ANKRD44: variants seen among roughly 807,000 people sequenced by gnomAD.
ANKRD44 encodes the protein serine/threonine-protein phosphatase 6 regulatory ankyrin repeat subunit B.
In ANKRD44, 35 loss-of-function variants were observed where a neutral mutation model predicts 116.0. The observed-to-expected ratio is 0.30, with a 90% CI of 0.23 to 0.40. ANKRD44 has a LOEUF of 0.40. Ranked by LOEUF, ANKRD44 falls within the 10% of genes least tolerant of loss-of-function variation. The pLI is 1.00. For synonymous variants in ANKRD44, 435 were observed against 461.8 expected (o/e 0.94, Z 0.74); for missense variants, 1,014 against 1,242.6 (o/e 0.82, Z 2.77).
intron 3 of ANKRD44, among the ~76,000 whole-genome samples, chr2:197,137,413 C>T (rs1453682487): frequency 2.6e-5 from 4 of 152,098 alleles, no homozygotes; most frequent in African/African-American, 4.8e-5. Context: ...ACAGAGGTGG[C>T]GCCTCAGGAC....
chr2:197,010,264 T>A (rs2076273795), intron 18 of ANKRD44, among the ~76,000 whole-genome samples: 1 of 152,050 alleles, frequency 6.6e-6, no homozygotes, highest in African/African-American at 2.4e-5. Context: ...GCACGCTCCA[T>A]CCGCTCACTG....
intron 21 of ANKRD44, among the ~76,000 whole-genome samples, chr2:197,003,728 C>T (rs2076154125): frequency 6.6e-6 from 1 of 152,074 alleles, no homozygotes; most frequent in Non-Finnish European, 1.5e-5. Context: ...GTTTGCGGCC[C>T]GCCATTATAA....
chr2:197,014,559 G>T (rs953989439), intron 17 of ANKRD44, among the ~76,000 whole-genome samples: 3 of 152,024 alleles, frequency 2.0e-5, no homozygotes, highest in Non-Finnish European at 4.4e-5. Context: ...AGGCCGAGAC[G>T]GGTGGATCAC....
downstream of ANKRD44, among the ~76,000 whole-genome samples, chr2:196,982,616 C>G (rs540179133): frequency 7.9e-4 from 121 of 152,302 alleles, no homozygotes; most frequent in African/African-American, 2.9e-3. Context: ...CAAATTCAGT[C>G]AACTCTACCT....
intron 1 of ANKRD44, among the ~76,000 whole-genome samples, chr2:197,291,531 T>C (rs951022854): frequency 5.3e-5 from 8 of 152,010 alleles, no homozygotes; most frequent in African/African-American, 1.7e-4. Flanking sequence ...TAATGTATAA[T>C]ATTTGGATAA....
At chr2:197,287,363 C>A (rs1436076027) in intron 1 of ANKRD44, among the ~76,000 whole-genome samples, 2 of 152,154 alleles carry the variant, frequency 1.3e-5, no homozygotes, top group East Asian at 3.9e-4. Context: ...GATTAATTCT[C>A]CTGCAGCCAG....
chr2:196,991,913 C>T (rs973820807), intron 27 of ANKRD44, among the ~76,000 whole-genome samples: 9 of 152,124 alleles, frequency 5.9e-5, no homozygotes, highest in Non-Finnish European at 1.3e-4. Context: ...TTAAAAATGG[C>T]CACTCACCAA....
At chr2:197,054,572 G>A (rs2077169772) in intron 16 of ANKRD44, among the ~76,000 whole-genome samples, 2 of 152,206 alleles carry the variant, frequency 1.3e-5, no homozygotes, top group Admixed American at 6.5e-5. Flanking sequence ...AGCTAGTGAG[G>A]CTGTCTTGAT....
chr2:197,126,670 T>C (rs896665054), intron 4 of ANKRD44, among the ~76,000 whole-genome samples: 1 of 152,044 alleles, frequency 6.6e-6, no homozygotes, highest in Non-Finnish European at 1.5e-5. Context: ...ACCCTGGCTA[T>C]GCAATGGAGT....
At chr2:197,271,687 G>A (rs1205122848) in intron 1 of ANKRD44, among the ~76,000 whole-genome samples, 1 of 152,112 alleles carries the variant, frequency 6.6e-6, no homozygotes, top group Non-Finnish European at 1.5e-5. Context: ...CCAGGCTGGA[G>A]TGCAGCCTCA....
At chr2:197,015,605 G>A in intron 17 of ANKRD44, 1 of 544,436 alleles carries the variant, frequency 1.8e-6, no homozygotes. Context: ...GGCTGTGGTA[G>A]AAACTTTGGT....
intron 16 of ANKRD44, among the ~76,000 whole-genome samples, chr2:197,071,954 C>T (rs1043310252): frequency 3.9e-5 from 6 of 152,066 alleles, no homozygotes; most frequent in South Asian, 2.1e-4. Flanking sequence ...TTCCCTCCTG[C>T]GGCCTCAGTG....
chr2:197,233,436 A>G (rs1358621464), intron 1 of ANKRD44, among the ~76,000 whole-genome samples: 2 of 152,190 alleles, frequency 1.3e-5, no homozygotes, highest in Non-Finnish European at 2.9e-5. Flanking sequence ...TATTAAGCAA[A>G]TTAAATGCTG....
intron 3 of ANKRD44, among the ~76,000 whole-genome samples, chr2:197,142,431 A>G (rs2125412083): frequency 6.6e-6 from 1 of 152,344 alleles, no homozygotes; most frequent in African/African-American, 2.4e-5. Flanking sequence ...ATATAACAAA[A>G]TCAGCTTGCT....
intron 1 of ANKRD44, among the ~76,000 whole-genome samples, chr2:197,280,471 ATC>A (rs1294414512): frequency 7.9e-5 from 12 of 152,206 alleles, no homozygotes; most frequent in African/African-American, 2.4e-4. Context: ...CTCTAAAAAC[ATC>A]TGTTTTCAGT....
chr2:197,074,100 C>T (rs1433538000), intron 16 of ANKRD44, among the ~76,000 whole-genome samples: 1 of 152,122 alleles, frequency 6.6e-6, no homozygotes, highest in Non-Finnish European at 1.5e-5. Flanking sequence ...GAGAGGATGC[C>T]AGTGGTATCA....
intron 21 of ANKRD44, among the ~76,000 whole-genome samples, chr2:196,975,415 A>T (rs2075749217): frequency 6.6e-6 from 1 of 152,214 alleles, no homozygotes; most frequent in South Asian, 2.1e-4. Flanking sequence ...AATCTTTTTC[A>T]AAATAGAAGA....
intron 10 of ANKRD44, among the ~76,000 whole-genome samples, chr2:197,096,217 T>C (rs192761274): frequency 7.9e-5 from 12 of 152,244 alleles, no homozygotes; most frequent in East Asian, 1.9e-4. Context: ...TCCCAGGGGA[T>C]CATAAATTCC....
intron 1 of ANKRD44, among the ~76,000 whole-genome samples, chr2:197,288,033 A>AG (rs2083456721): frequency 6.6e-6 from 1 of 151,226 alleles, no homozygotes; most frequent in African/African-American, 2.4e-5. Flanking sequence ...AAAAAAAAAA[A>AG]AAAGAAAAAG....
Sources: gnomAD v4.1 joint callset for allele counts (sites outside exome capture counted in the v4.1 genomes callset) on GRCh38, gnomAD v4.1.1 for gene constraint, MANE v1.5 for transcripts, NCBI Gene and HGNC (gene_info 2026-07-23, HGNC 2026-07-21) for gene names.